The following EVL variants were observed in gnomAD, a reference collection of about 807,000 sequenced individuals.
The protein encoded by EVL is Enah/Vasp-like.
A neutral mutation model predicts 59.6 loss-of-function variants in EVL; 21 were observed. The ratio of observed to expected loss-of-function variants is 0.35; its 90% CI spans 0.25 to 0.51. The LOEUF (loss-of-function observed/expected upper bound fraction) is 0.51, where lower values mean the gene tolerates loss of function less well. Ranked by LOEUF, EVL falls within the 20% of genes least tolerant of loss-of-function variation. The probability of loss-of-function intolerance (pLI) is 0.97; values close to 1 mark genes in which losing one functional copy is unlikely to be tolerated. For synonymous variants in EVL, 198 were observed against 203.5 expected (o/e 0.97, Z 0.23); for missense variants, 462 against 546.6 (o/e 0.85, Z 1.54).
chr14:100,034,154 T>C (rs1438374523), intron 1 of EVL, among the ~76,000 whole-genome samples: 2 of 149,244 alleles, frequency 1.3e-5, no homozygotes, highest in East Asian at 3.9e-4. Context: ...GAGAATTGCT[T>C]GAAACCAAGA....
chr14:100,016,010 C>G (rs2061046669), intron 1 of EVL, among the ~76,000 whole-genome samples: 1 of 149,746 alleles, frequency 6.7e-6, no homozygotes, highest in South Asian at 2.1e-4. Flanking sequence ...ACCTGGGAGG[C>G]AGAGGTTGCA....
intron 1 of EVL, among the ~76,000 whole-genome samples, chr14:100,050,630 C>T (rs2061632392): frequency 6.6e-6 from 1 of 151,722 alleles, no homozygotes; most frequent in Non-Finnish European, 1.5e-5. Context: ...AGCCACCGCG[C>T]CTGGCCAAAA....
intron 1 of EVL, among the ~76,000 whole-genome samples, chr14:99,996,642 C>G (rs936933308): frequency 5.3e-5 from 8 of 152,114 alleles, no homozygotes; most frequent in African/African-American, 1.9e-4. Context: ...GATTACTACT[C>G]TCTTTTCCCC....
intron 1 of EVL, among the ~76,000 whole-genome samples, chr14:99,989,619 T>G (rs2060862667): frequency 6.6e-6 from 1 of 152,212 alleles, no homozygotes; most frequent in Non-Finnish European, 1.5e-5. Context: ...ATCTTTTACC[T>G]TGTATATAAT....
At chr14:100,122,279 G>C (rs547238689) in intron 3 of EVL, among the ~76,000 whole-genome samples, 3 of 152,184 alleles carry the variant, frequency 2.0e-5, no homozygotes, top group African/African-American at 7.2e-5. Flanking sequence ...AAAGAACGTG[G>C]CATTTGCAGT....
At chr14:100,022,056 G>A (rs1743428042) in intron 1 of EVL, among the ~76,000 whole-genome samples, 2 of 152,018 alleles carry the variant, frequency 1.3e-5, no homozygotes, top group African/African-American at 2.4e-5. Context: ...AATGGGGAGA[G>A]TGATTCTCAC....
At chr14:99,993,055 TC>T (rs1354162571) in intron 1 of EVL, among the ~76,000 whole-genome samples, 1 of 147,224 alleles carries the variant, frequency 6.8e-6, no homozygotes, top group Non-Finnish European at 1.5e-5. Flanking sequence ...TGGCGTATAA[TC>T]CTTTTTTTTT....
intron 7 of EVL, among the ~76,000 whole-genome samples, chr14:100,132,180 C>T (rs1425413699): frequency 6.6e-6 from 1 of 151,190 alleles, no homozygotes; most frequent in Non-Finnish European, 1.5e-5. Context: ...GACTCAAGGG[C>T]GTCACGTGGA....
intron 1 of EVL, among the ~76,000 whole-genome samples, chr14:100,043,703 C>T (rs1055482624): frequency 1.3e-5 from 2 of 151,122 alleles, no homozygotes; most frequent in Non-Finnish European, 2.9e-5. Flanking sequence ...GCCTCATGCT[C>T]CTGGGCTCAA....
chr14:100,141,598 G>T, intron 12 of EVL, 138 bp from the exon 13 acceptor site: 1 of 745,654 alleles, frequency 1.3e-6, no homozygotes, highest in Non-Finnish European at 2.1e-6. Flanking sequence ...TGGGAAGGGG[G>T]CCACGAGGAG....
chr14:100,013,754 G>A (rs962116101), intron 1 of EVL, among the ~76,000 whole-genome samples: 9 of 152,250 alleles, frequency 5.9e-5, no homozygotes, highest in African/African-American at 7.2e-5. Flanking sequence ...GGGCCATGCC[G>A]AGGGGCCAGG....
At position 100,137,815 on chromosome 14, in the gene EVL, C is replaced by G. The variant is rs749230960; in HGVS notation, c.1094+13C>G. On this transcript the variant is annotated intron_variant, in intron 11 of 13. Coordinates refer to ENST00000392920, the MANE Select transcript of EVL (RefSeq NM_016337.3). ...AGCCTCACTCTAGGTACCGAACAACCCTCCTGCTCACATGTCCCCCAGGGT... is the reference window on the plus strand; with the variant it reads ...AGCCTCACTCTAGGTACCGAACAACGCTCCTGCTCACATGTCCCCCAGGGT... The G allele has an allele frequency of 2.5e-6, 4 of 1,613,748 alleles. No homozygotes were observed. In the South Asian group the frequency reaches 3.3e-5, roughly 13 times the overall value.
intron 1 of EVL, among the ~76,000 whole-genome samples, chr14:99,987,419 A>G (rs1396834668): frequency 6.6e-6 from 1 of 152,198 alleles, no homozygotes; most frequent in Non-Finnish European, 1.5e-5. Flanking sequence ...AGGCAGGTGG[A>G]TCAACTGAGG....
Position 100,087,328 on chromosome 14 carries a change from A to T in EVL, c.180+2473A>T, listed in dbSNP as rs1192799449. On this transcript the variant is annotated intron_variant, in intron 2 of 13. Transcript: ENST00000392920. ...TGAGAATAAGTTTTGGTCACCAAAA[A>T]ATGTGGCTGTTGCAGTGGCTCATGC... Among the ~76,000 whole-genome samples the T allele has an allele frequency of 2.6e-5, 4 of 152,248 alleles. No homozygotes were observed. The East Asian group carries it at 7.7e-4, about 29-fold the overall frequency.
chr14:99,993,681 CTTTCTTTTTTTT>C (rs1303237976), intron 1 of EVL, among the ~76,000 whole-genome samples: 2 of 108,400 alleles, frequency 1.8e-5, no homozygotes, highest in African/African-American at 8.3e-5. Context: ...TTGTTTCTTT[CTTTCTTTTTTTT>C]TTTTTTTTTT....
chr14:100,007,662 G>A (rs1232309951), intron 1 of EVL, among the ~76,000 whole-genome samples: 2 of 152,194 alleles, frequency 1.3e-5, no homozygotes, highest in Non-Finnish European at 2.9e-5. Flanking sequence ...AAGTGTGTCG[G>A]CTTGCCTTAC....
intron 1 of EVL, among the ~76,000 whole-genome samples, chr14:100,069,846 C>T (rs2062012031): frequency 6.6e-6 from 1 of 152,014 alleles, no homozygotes; most frequent in South Asian, 2.1e-4. Context: ...TGTTATACAC[C>T]AACCATTACG....
At chr14:100,024,872 C>T (rs2061184771) in intron 1 of EVL, among the ~76,000 whole-genome samples, 1 of 152,102 alleles carries the variant, frequency 6.6e-6, no homozygotes, top group Non-Finnish European at 1.5e-5. Flanking sequence ...AGCGGCAGCT[C>T]CGCAACTCCT....
At chr14:100,115,082 T>TTAAGCATTAAG (rs1288119391) in intron 3 of EVL, among the ~76,000 whole-genome samples, 2 of 152,160 alleles carry the variant, frequency 1.3e-5, no homozygotes, top group Non-Finnish European at 2.9e-5. Flanking sequence ...CAGTAAACCA[T>TTAAGCATTAAG]TAAGCATTAA....
Sources: gnomAD v4.1 joint callset for allele counts (sites outside exome capture counted in the v4.1 genomes callset) on GRCh38, gnomAD v4.1.1 for gene constraint, MANE v1.5 for transcripts, NCBI Gene and HGNC (gene_info 2026-07-23, HGNC 2026-07-21) for gene names.